BCAR3: variants seen among roughly 807,000 people sequenced by gnomAD.
The protein encoded by BCAR3 is breast cancer anti-estrogen resistance protein 3.
In BCAR3, 37 loss-of-function variants were observed where a neutral mutation model predicts 80.1. The observed-to-expected ratio is 0.46, with a 90% confidence interval of 0.36 to 0.61. BCAR3 has a LOEUF of 0.61. Ranked by LOEUF, BCAR3 falls within the 20% of genes least tolerant of loss-of-function variation. The pLI is 0.00. For synonymous variants in BCAR3, 389 were observed against 418.9 expected (o/e 0.93, Z 0.87); for missense variants, 978 against 1,068.2 (o/e 0.92, Z 1.18).
rs550423732 is a variant in BCAR3 at position 93,788,506 on chromosome 1, A to G, written c.-63+57061T>C. On this transcript the variant is annotated intron_variant, in intron 2 of 13. Coordinates refer to the BCAR3 transcript ENST00000370244. ...GCATTTCTTATAGCAGTGGTTTGGTAGTGGCAAATTCTTTCAGCATTTGTT... is the reference window on the plus strand; with the variant it reads ...GCATTTCTTATAGCAGTGGTTTGGTGGTGGCAAATTCTTTCAGCATTTGTT... 4.6e-5 allele frequency among the ~76,000 whole-genome samples: 7 copies of G among 152,280 alleles called. No individual in the cohort carries two copies. The South Asian group carries it at 6.2e-4, about 14-fold the overall frequency.
chr1:93,747,023 T>C (rs1195600788), intron 2 of BCAR3, among the ~76,000 whole-genome samples: 3 of 152,224 alleles, frequency 2.0e-5, no homozygotes, highest in Non-Finnish European at 4.4e-5. Flanking sequence ...GCTGTGGTCT[T>C]GGTCTTCTTT....
intron 3 of BCAR3, among the ~76,000 whole-genome samples, chr1:93,634,096 T>C (rs1007301198): frequency 3.9e-5 from 6 of 152,364 alleles, no homozygotes; most frequent in South Asian, 4.1e-4. Flanking sequence ...GTACTTCATC[T>C]CTTCTCCAAC....
rs529193218 is a variant in BCAR3, at chr1:93,574,641, T to A, written c.1802+1373A>T. On this transcript the variant is annotated intron_variant, in intron 8 of 11. Transcript: ENST00000260502. ...CATGAGGCCTGGAACCTGCGGCCTT[T>A]CAGGCTGAAATGTCTCATGGGAGAA... 2.0e-5 allele frequency among the ~76,000 whole-genome samples: 3 copies of A among 152,194 alleles called. No homozygotes were observed. The South Asian group carries it at 6.2e-4, about 32-fold the overall frequency.
At chr1:93,846,593 G>T (rs1216323874) in intron 1 of BCAR3, among the ~76,000 whole-genome samples, 1 of 152,046 alleles carries the variant, frequency 6.6e-6, no homozygotes, top group African/African-American at 2.4e-5. Flanking sequence ...CGCCAGGCCC[G>T]CTGCCGTCCC....
At chr1:93,807,760 C>T (rs1653703829) in intron 2 of BCAR3, among the ~76,000 whole-genome samples, 1 of 152,042 alleles carries the variant, frequency 6.6e-6, no homozygotes, top group African/African-American at 2.4e-5. Flanking sequence ...TAAGAAAATT[C>T]CAGTGGTTCA....
At chr1:93,740,945 G>A (rs929321085) in intron 2 of BCAR3, among the ~76,000 whole-genome samples, 2 of 152,182 alleles carry the variant, frequency 1.3e-5, no homozygotes, top group Admixed American at 6.5e-5. Flanking sequence ...CGCGTCTGCC[G>A]ACTTCCATAT....
chr1:93,573,609 TTTATTA>T (rs368870879), intron 8 of BCAR3, among the ~76,000 whole-genome samples: 95 of 142,800 alleles, frequency 6.7e-4, no homozygotes, highest in African/African-American at 2.0e-3. Context: ...AAAATATATT[TTTATTA>T]TTATTATTAT....
chr1:93,806,180 ACT>A (rs1363028758), intron 2 of BCAR3, among the ~76,000 whole-genome samples: 2 of 152,140 alleles, frequency 1.3e-5, no homozygotes, highest in Non-Finnish European at 2.9e-5. Flanking sequence ...CCTTCTACCG[ACT>A]CTGAAATTTT....
chr1:93,751,816 G>A (rs1651566496), intron 2 of BCAR3, among the ~76,000 whole-genome samples: 1 of 152,192 alleles, frequency 6.6e-6, no homozygotes, highest in African/African-American at 2.4e-5. Context: ...TCCAACACAA[G>A]GGCGTGTGGC....
intron 2 of BCAR3, among the ~76,000 whole-genome samples, chr1:93,732,882 C>T (rs1370765148): frequency 6.6e-6 from 1 of 152,228 alleles, no homozygotes; most frequent in Non-Finnish European, 1.5e-5. Context: ...CACAATGGTG[C>T]CCCTTCCTCC....
chr1:93,635,626 G>C (rs963128904), intron 3 of BCAR3, among the ~76,000 whole-genome samples: 1 of 152,206 alleles, frequency 6.6e-6, no homozygotes, highest in Non-Finnish European at 1.5e-5. Flanking sequence ...TCTGCATGTG[G>C]GCCCCAGAGC....
intron 2 of BCAR3, among the ~76,000 whole-genome samples, chr1:93,764,008 C>T: frequency 6.6e-6 from 1 of 152,108 alleles, no homozygotes; most frequent in East Asian, 1.9e-4. Flanking sequence ...CCTCACACAC[C>T]CCTCCACCTG....
intron 2 of BCAR3, among the ~76,000 whole-genome samples, chr1:93,842,427 C>T (rs533523268): frequency 3.3e-5 from 5 of 152,294 alleles, no homozygotes; most frequent in African/African-American, 1.2e-4. Flanking sequence ...GCTAGGATTA[C>T]AGCCATGAGC....
At chr1:93,579,214 G>A (rs1673598370) in intron 7 of BCAR3, among the ~76,000 whole-genome samples, 1 of 152,184 alleles carries the variant, frequency 6.6e-6, no homozygotes, top group African/African-American at 2.4e-5. Flanking sequence ...CCAGATGCTA[G>A]CCAGAGCCTG....
At chr1:93,736,407 A>G (rs1468412722) in intron 2 of BCAR3, among the ~76,000 whole-genome samples, 5 of 152,212 alleles carry the variant, frequency 3.3e-5, no homozygotes, top group African/African-American at 7.2e-5. Context: ...GGCTGGTCTC[A>G]AACTCCTGAC....
chr1:93,663,129 A>G (rs567347298), intron 2 of BCAR3, among the ~76,000 whole-genome samples: 2 of 152,286 alleles, frequency 1.3e-5, no homozygotes, highest in South Asian at 4.1e-4. Context: ...CCAGTCAGAG[A>G]AGTCATTTCT....
chr1:93,670,471 C>T, intron 2 of BCAR3, among the ~76,000 whole-genome samples: 1 of 152,164 alleles, frequency 6.6e-6, no homozygotes, highest in East Asian at 1.9e-4. Flanking sequence ...GGTACTGACC[C>T]CTGTGCAAGA....
At chr1:93,837,782 G>A (rs960248182) in intron 2 of BCAR3, among the ~76,000 whole-genome samples, 1 of 152,246 alleles carries the variant, frequency 6.6e-6, no homozygotes, top group African/African-American at 2.4e-5. Context: ...CATCTGTAAT[G>A]AGTGGTACAG....
intron 2 of BCAR3, among the ~76,000 whole-genome samples, chr1:93,767,354 C>T (rs938300576): frequency 4.6e-5 from 7 of 152,090 alleles, no homozygotes; most frequent in Non-Finnish European, 7.4e-5. Context: ...GAAATTCCAT[C>T]TCTACAAAAA....
Sources: gnomAD v4.1 joint callset for allele counts (sites outside exome capture counted in the v4.1 genomes callset) on GRCh38, gnomAD v4.1.1 for gene constraint, MANE v1.5 for transcripts, NCBI Gene and HGNC (gene_info 2026-07-23, HGNC 2026-07-21) for gene names.